The following RAP1GDS1 variants were observed in gnomAD, a reference collection of about 807,000 sequenced individuals.
RAP1GDS1 encodes RAP1, GTP-GDP dissociation stimulator 1.
A neutral mutation model predicts 71.1 loss-of-function variants in RAP1GDS1; 35 were observed. The observed-to-expected ratio is 0.49, with a 90% confidence interval of 0.38 to 0.65. The LOEUF (loss-of-function observed/expected upper bound fraction) is 0.65. Among genes scored for constraint, RAP1GDS1 ranks in the 30% least tolerant of loss-of-function variants. RAP1GDS1 has a pLI of 0.00. For missense variants in RAP1GDS1, 663 were observed against 706.1 expected (o/e 0.94, Z 0.69); for synonymous variants, 229 against 243.1 (o/e 0.94, Z 0.54).
chr4:98,398,606 A>G (rs957238320), intron 6 of RAP1GDS1, among the ~76,000 whole-genome samples: 2 of 152,192 alleles, frequency 1.3e-5, no homozygotes, highest in Non-Finnish European at 2.9e-5. Context: ...TTAGGCAAGG[A>G]AGAAATAAAG....
At chr4:98,307,399 G>A (rs546095145) in intron 2 of RAP1GDS1, among the ~76,000 whole-genome samples, 1 of 151,882 alleles carries the variant, frequency 6.6e-6, no homozygotes, top group African/African-American at 2.4e-5. Context: ...CAGAAATTTT[G>A]TAAATACTTT....
At position 98,378,386 on chromosome 4, in the gene RAP1GDS1, A is replaced by G. The variant is rs146043136; in HGVS notation, c.362-631A>G. On this transcript the variant is annotated intron_variant, in intron 4 of 14. Coordinates refer to ENST00000408927, the MANE Select transcript of RAP1GDS1 (RefSeq NM_001100427.2). ...ATTGGTGTGCCCTAGAAGAGAGGGA[A>G]TAAGGAAAAAAGAAACAAATCAAGA... 2.6e-3 allele frequency among the ~76,000 whole-genome samples: 400 copies of G among 151,958 alleles called. 2 individuals are homozygous for G. The highest frequency in any genetic ancestry group is 9.2e-3 in the African/African-American group (382 of 41,526).
At position 98,399,371 on chromosome 4, in the gene RAP1GDS1, T is replaced by C. The variant is rs115938863; in HGVS notation, c.638-5106T>C. ...GAACTCAAACATCTCAACAGCAGGG[T>C]CTCACTCTGTCACACAGGCTAGAGT... On this transcript the variant is annotated intron_variant, in intron 6 of 14. Transcript: ENST00000408927. 7.5e-3 allele frequency among the ~76,000 whole-genome samples: 1,147 copies of C among 152,216 alleles called. 15 individuals carry two copies. Among genetic ancestry groups the C allele is most frequent in the African/African-American group, 0.026 (1,081 of 41,542 alleles).
intron 2 of RAP1GDS1, among the ~76,000 whole-genome samples, chr4:98,336,605 T>G (rs1023600018): frequency 3.5e-4 from 54 of 152,176 alleles, no homozygotes; most frequent in African/African-American, 1.2e-3. Context: ...TTTCATGACT[T>G]CATATATCCT....
chr4:98,388,092 A>G (rs1387434924), intron 5 of RAP1GDS1, among the ~76,000 whole-genome samples: 1 of 152,214 alleles, frequency 6.6e-6, no homozygotes. Context: ...TTATGTCAAT[A>G]AGAATATCAA....
In RAP1GDS1 at chr4:98,442,182, C is replaced by T; in HGVS notation, c.*65C>T. ...CCCTCTGTCCTCCATCCAGCGGCTTCTTCCGCTTCATTCTCTACCATACCA... is the reference window on the plus strand; with the variant it reads ...CCCTCTGTCCTCCATCCAGCGGCTTTTTCCGCTTCATTCTCTACCATACCA... On this transcript the variant is annotated 3_prime_UTR_variant, in exon 15 of 15. Transcript: ENST00000408927. 2.5e-6 allele frequency: 4 copies of T among 1,580,532 alleles called. No homozygotes were observed. In the South Asian group the frequency reaches 4.5e-5, roughly 18 times the overall value.
intron 1 of RAP1GDS1, among the ~76,000 whole-genome samples, chr4:98,273,425 T>G (rs2110235808): frequency 6.6e-6 from 1 of 152,316 alleles, no homozygotes; most frequent in East Asian, 1.9e-4. Flanking sequence ...TCATTTTTTT[T>G]ACTACATTTG....
intron 6 of RAP1GDS1, among the ~76,000 whole-genome samples, chr4:98,402,190 G>C (rs775295151): frequency 1.2e-4 from 18 of 152,136 alleles, no homozygotes; most frequent in Non-Finnish European, 2.4e-4. Flanking sequence ...TTGTGCCTCA[G>C]CCTCCTGAGT....
intron 1 of RAP1GDS1, among the ~76,000 whole-genome samples, chr4:98,272,365 C>G (rs1273519374): frequency 6.6e-6 from 1 of 152,134 alleles, no homozygotes; most frequent in East Asian, 1.9e-4. Context: ...TTTTCTGCAT[C>G]CTGCTGGTTG....
At chr4:98,283,406 T>A (rs1438409096) in intron 1 of RAP1GDS1, among the ~76,000 whole-genome samples, 1 of 151,810 alleles carries the variant, frequency 6.6e-6, no homozygotes, top group African/African-American at 2.4e-5. Flanking sequence ...ATGTGTTGCA[T>A]ACAAAGCACC....
chr4:98,420,855 A>G (rs955790868), intron 11 of RAP1GDS1, among the ~76,000 whole-genome samples: 3 of 152,192 alleles, frequency 2.0e-5, no homozygotes, highest in Admixed American at 6.5e-5. Flanking sequence ...TGTCTTCCAG[A>G]CAGGGAGAGC....
chr4:98,425,503 A>G (rs1431951791), intron 12 of RAP1GDS1, among the ~76,000 whole-genome samples: 1 of 152,200 alleles, frequency 6.6e-6, no homozygotes, highest in Non-Finnish European at 1.5e-5. Flanking sequence ...CCCAACACAT[A>G]AGGACTCACT....
intron 2 of RAP1GDS1, among the ~76,000 whole-genome samples, chr4:98,309,695 T>C (rs779588741): frequency 6.6e-6 from 1 of 151,962 alleles, no homozygotes. Flanking sequence ...ATCTTCTTAA[T>C]TGAATATAAA....
intron 2 of RAP1GDS1, among the ~76,000 whole-genome samples, chr4:98,324,553 G>C (rs1194225785): frequency 6.8e-6 from 1 of 145,998 alleles, no homozygotes; most frequent in Admixed American, 6.8e-5. Flanking sequence ...AAACAGCATG[G>C]TACTGGTACC....
intron 2 of RAP1GDS1, among the ~76,000 whole-genome samples, chr4:98,341,796 T>G (rs1735544688): frequency 6.6e-6 from 1 of 151,892 alleles, no homozygotes; most frequent in South Asian, 2.1e-4. Context: ...TAAACTGGAG[T>G]GTTATCATTC....
intron 12 of RAP1GDS1, among the ~76,000 whole-genome samples, chr4:98,433,714 G>C (rs1750768729): frequency 6.6e-6 from 1 of 152,000 alleles, no homozygotes; most frequent in African/African-American, 2.4e-5. Flanking sequence ...GAACTGCAGT[G>C]GTCTTTTCTA....
intron 4 of RAP1GDS1, among the ~76,000 whole-genome samples, chr4:98,368,696 TATTAA>T (rs983264247): frequency 6.6e-6 from 1 of 152,210 alleles, no homozygotes; most frequent in Non-Finnish European, 1.5e-5. Context: ...ATTATGTTAT[TATTAA>T]ATTAATTAGA....
At chr4:98,376,662 A>G (rs912150516) in intron 4 of RAP1GDS1, among the ~76,000 whole-genome samples, 2 of 152,070 alleles carry the variant, frequency 1.3e-5, no homozygotes. Context: ...TGTATAATCA[A>G]TCATTCCTAT....
chr4:98,435,488 T>A (rs1038452114), intron 13 of RAP1GDS1, among the ~76,000 whole-genome samples: 3 of 152,150 alleles, frequency 2.0e-5, no homozygotes, highest in Non-Finnish European at 4.4e-5. Flanking sequence ...TAAGTAGAAG[T>A]GGATTATCAA....
Sources: allele counts gnomAD v4.1 joint callset (sites outside exome capture counted in the v4.1 genomes callset), GRCh38; gene constraint gnomAD v4.1.1; transcripts MANE v1.5; gene names NCBI Gene and HGNC (gene_info 2026-07-23, HGNC 2026-07-21).